Variants in VDAC1 observed in about 807,000 individuals in gnomAD.
VDAC1 encodes the protein non-selective voltage-gated ion channel VDAC1.
VDAC1 carries 10 observed loss-of-function variants against 34.7 expected under a neutral mutation model. The observed-to-expected ratio is 0.29, with a 90% confidence interval of 0.18 to 0.49. The LOEUF is 0.49. Ranked by LOEUF, VDAC1 falls within the 20% of genes least tolerant of loss-of-function variation. VDAC1 has a pLI of 0.99. For synonymous variants in VDAC1, 130 were observed against 136.0 expected (o/e 0.96, Z 0.30); for missense variants, 230 against 347.9 (o/e 0.66, Z 2.69).
At chr5:134,050,987 G>C in the VDAC1 span, among the ~76,000 whole-genome samples, 1 of 152,198 alleles carries the variant, frequency 6.6e-6, no homozygotes, top group Non-Finnish European at 1.5e-5. Flanking sequence ...GCTGAGGGGA[G>C]AGTTGGCAGT....
chr5:134,038,548 A>C, the VDAC1 span, among the ~76,000 whole-genome samples: 1 of 152,098 alleles, frequency 6.6e-6, no homozygotes, highest in Non-Finnish European at 1.5e-5. Context: ...AATATCATTC[A>C]GTGTAATATG....
the VDAC1 span, among the ~76,000 whole-genome samples, chr5:134,037,095 G>C: frequency 1.3e-5 from 2 of 152,204 alleles, no homozygotes; most frequent in African/African-American, 4.8e-5. Context: ...CAGGAGAACA[G>C]AGGAACAACC....
rs184564112 is a variant in VDAC1, at chr5:133,981,055, G to C, written c.324-99C>G. On this transcript the variant is annotated intron_variant, in intron 5 of 8. Coordinates refer to ENST00000265333, the MANE Select transcript of VDAC1 (RefSeq NM_003374.3). ...TAATCCCAGGTCAAATAAAGGGAGT[G>C]GGGTGGGGGTGAAGTCAGGGCTCCA... 1.4e-3 allele frequency: 1,411 copies of C among 1,023,172 alleles called. 3 individuals are homozygous for C. The highest frequency in any genetic ancestry group is 1.7e-3 in the Non-Finnish European group (1,171 of 691,994). The allele number at this position is 1,023,172 out of a possible 1,614,324, so 63.4% of individuals were successfully genotyped here. A position where few individuals can be genotyped will look rare whatever the true frequency, so the allele number is the denominator to read the frequency against.
chr5:134,076,441 T>C, the VDAC1 span, among the ~76,000 whole-genome samples: 1 of 152,216 alleles, frequency 6.6e-6, no homozygotes, highest in Non-Finnish European at 1.5e-5. Context: ...TGTTTCGGTG[T>C]GTCTAAAGTT....
the VDAC1 span, among the ~76,000 whole-genome samples, chr5:134,076,822 GC>G: frequency 6.6e-6 from 1 of 152,180 alleles, no homozygotes; most frequent in African/African-American, 2.4e-5. Context: ...CTCTCTGGGA[GC>G]TGATCAGGTT....
chr5:134,000,510 C>G (rs963611394), intron 1 of VDAC1, among the ~76,000 whole-genome samples: 25 of 152,266 alleles, frequency 1.6e-4, no homozygotes, highest in African/African-American at 5.8e-4. Context: ...CCTACCTGAC[C>G]TAAGGCACCT....
At chr5:134,112,607 G>A in the VDAC1 span, among the ~76,000 whole-genome samples, 1 of 152,138 alleles carries the variant, frequency 6.6e-6, no homozygotes, top group African/African-American at 2.4e-5. Context: ...GAGGGTGGGG[G>A]AGTTAACAGA....
At chr5:134,110,177 C>T in the VDAC1 span, among the ~76,000 whole-genome samples, 1 of 152,204 alleles carries the variant, frequency 6.6e-6, no homozygotes, top group Non-Finnish European at 1.5e-5. Context: ...ATAATTTGCC[C>T]ATCACCTCTC....
At chr5:134,098,933 T>C in the VDAC1 span, among the ~76,000 whole-genome samples, 3 of 152,232 alleles carry the variant, frequency 2.0e-5, no homozygotes, top group Admixed American at 1.3e-4. Flanking sequence ...AGGCCGAACC[T>C]GTTCAGGAGC....
upstream of VDAC1, among the ~76,000 whole-genome samples, chr5:134,009,530 T>A (rs1753800682): frequency 6.6e-6 from 1 of 151,942 alleles, no homozygotes; most frequent in Non-Finnish European, 1.5e-5. Flanking sequence ...GTGCTGGGAT[T>A]ACAGGTGTGA....
chr5:133,992,937 A>C lies in VDAC1; in HGVS notation c.67+9T>G. 6.2e-7 allele frequency: 1 copy of C among 1,612,256 alleles called. No homozygotes were observed. The highest frequency in any genetic ancestry group is 1.1e-5 in the South Asian group (1 of 90,748). On this transcript the variant is annotated intron_variant, in intron 2 of 8. Coordinates refer to ENST00000265333, the MANE Select transcript of VDAC1 (RefSeq NM_003374.3). ...GAGCTGAAAGGCACCCCCTCTCTGC[A>C]ACACTCACCATAGCCCTTGGTGAAG...
chr5:134,110,735 T>C, the VDAC1 span, among the ~76,000 whole-genome samples: 2 of 152,202 alleles, frequency 1.3e-5, no homozygotes, highest in African/African-American at 4.8e-5. Flanking sequence ...CTTGCTGTAA[T>C]TTACTAAATC....
chr5:134,056,484 G>A, the VDAC1 span, among the ~76,000 whole-genome samples: 1 of 141,104 alleles, frequency 7.1e-6, no homozygotes, highest in Non-Finnish European at 1.5e-5. Flanking sequence ...CTGTTGCCCA[G>A]GTTGGAGTAC....
the VDAC1 span, among the ~76,000 whole-genome samples, chr5:134,041,191 C>T: frequency 2.0e-5 from 3 of 152,220 alleles, no homozygotes; most frequent in Admixed American, 6.5e-5. Context: ...AGGCTCCTTC[C>T]GAACATCTTT....
At chr5:134,089,217 G>C in the VDAC1 span, among the ~76,000 whole-genome samples, 4 of 152,244 alleles carry the variant, frequency 2.6e-5, no homozygotes, top group Admixed American at 2.0e-4. Context: ...TTGCATAGGG[G>C]CACACCCCAG....
chr5:134,098,572 C>T, the VDAC1 span, among the ~76,000 whole-genome samples: 3 of 152,346 alleles, frequency 2.0e-5, no homozygotes, highest in East Asian at 1.9e-4. Flanking sequence ...TCTGACAATG[C>T]TCCCCTCTCA....
the VDAC1 span, among the ~76,000 whole-genome samples, chr5:134,114,376 G>A: frequency 1.3e-5 from 2 of 152,262 alleles, no homozygotes; most frequent in African/African-American, 2.4e-5. Flanking sequence ...CAAGTCCCAA[G>A]GGCCTAGGGG....
At chr5:134,056,941 A>G in the VDAC1 span, among the ~76,000 whole-genome samples, 3 of 151,574 alleles carry the variant, frequency 2.0e-5, no homozygotes, top group Non-Finnish European at 4.4e-5. Flanking sequence ...CCTCTCCACC[A>G]GCCTCCCAAA....
the VDAC1 span, among the ~76,000 whole-genome samples, chr5:134,097,923 GCA>G: frequency 4.6e-5 from 7 of 151,778 alleles, no homozygotes; most frequent in Non-Finnish European, 1.0e-4. Flanking sequence ...TAGCTGGAGT[GCA>G]ACGGCAAGAT....
Sources: gnomAD v4.1 joint callset for allele counts (sites outside exome capture counted in the v4.1 genomes callset) on GRCh38, gnomAD v4.1.1 for gene constraint, MANE v1.5 for transcripts, NCBI Gene and HGNC (gene_info 2026-07-23, HGNC 2026-07-21) for gene names.